Variants in FBXO36 observed in about 807,000 individuals in gnomAD.
The protein encoded by FBXO36 is F-box only protein 36.
FBXO36 carries 18 observed loss-of-function variants against 17.0 expected under a neutral mutation model. The observed-to-expected ratio is 1.06, with a 90% confidence interval of 0.73 to 1.57. The LOEUF is 1.57. Ranked by LOEUF, FBXO36 falls within the 40% of genes most tolerant of loss-of-function variation. FBXO36 has a pLI of 0.00. For synonymous variants in FBXO36, 83 were observed against 85.3 expected (o/e 0.97, Z 0.15); for missense variants, 229 against 221.9 (o/e 1.03, Z -0.20).
At chr2:229,996,997 C>A in intron 3 of FBXO36, 74 bp downstream of exon 3, 1 of 1,415,604 alleles carries the variant, frequency 7.1e-7, no homozygotes, top group Non-Finnish European at 9.7e-7. Context: ...ACATAGCAAT[C>A]ATTTGTTGAG....
chr2:229,961,916 C>T (rs2077123441), intron 1 of FBXO36, among the ~76,000 whole-genome samples: 1 of 152,110 alleles, frequency 6.6e-6, no homozygotes, highest in Non-Finnish European at 1.5e-5. Flanking sequence ...TATGGTGGCT[C>T]ATGCCTGTAA....
intron 1 of FBXO36, 98 bp downstream of exon 1, chr2:229,922,707 C>T (rs1225853198): frequency 7.9e-7 from 1 of 1,270,860 alleles, no homozygotes; most frequent in Non-Finnish European, 1.1e-6. Context: ...CAACCGTAGC[C>T]CGCCGGAAGC....
At chr2:229,978,918 T>C (rs1384717451) in intron 2 of FBXO36, among the ~76,000 whole-genome samples, 1 of 152,160 alleles carries the variant, frequency 6.6e-6, no homozygotes, top group Admixed American at 6.6e-5. Flanking sequence ...GGCTCATGCC[T>C]GTAATGCCAG....
intron 1 of FBXO36, among the ~76,000 whole-genome samples, chr2:229,957,280 T>G (rs2077093479): frequency 6.6e-6 from 1 of 151,876 alleles, no homozygotes; most frequent in South Asian, 2.1e-4. Context: ...GGCACAGAAA[T>G]CAAACTATGA....
chr2:229,984,754 A>G (rs1423174281), intron 2 of FBXO36, among the ~76,000 whole-genome samples: 1 of 152,096 alleles, frequency 6.6e-6, no homozygotes, highest in Non-Finnish European at 1.5e-5. Context: ...TAGTGTACAT[A>G]AAGTCCCCTG....
chr2:229,982,753 C>A (rs1176054749), intron 2 of FBXO36, among the ~76,000 whole-genome samples: 1 of 136,524 alleles, frequency 7.3e-6, no homozygotes, highest in African/African-American at 2.7e-5. Context: ...GTGGCAGTGA[C>A]CCAAGACAGA....
At chr2:229,957,241 A>G (rs1367541458) in intron 1 of FBXO36, among the ~76,000 whole-genome samples, 1 of 152,224 alleles carries the variant, frequency 6.6e-6, no homozygotes, top group Non-Finnish European at 1.5e-5. Flanking sequence ...TAAAGAGGGA[A>G]ATGTTACATA....
chr2:229,955,700 G>A (rs1398133882), intron 1 of FBXO36, among the ~76,000 whole-genome samples: 2 of 152,044 alleles, frequency 1.3e-5, no homozygotes, highest in Non-Finnish European at 2.9e-5. Flanking sequence ...CACACCATTC[G>A]AACTCCTATC....
chr2:229,939,988 G>C (rs1216804353), intron 1 of FBXO36, among the ~76,000 whole-genome samples: 1 of 152,102 alleles, frequency 6.6e-6, no homozygotes, highest in East Asian at 1.9e-4. Flanking sequence ...AGGAGAGGTG[G>C]GAGGATTGCT....
chr2:229,969,558 CAT>C (rs1396344848), intron 1 of FBXO36, among the ~76,000 whole-genome samples: 25 of 152,068 alleles, frequency 1.6e-4, no homozygotes, highest in African/African-American at 3.9e-4. Context: ...CGTGGTGGCA[CAT>C]GCCTGTAGTC....
chr2:229,980,404 A>T (rs1265969513), intron 2 of FBXO36, among the ~76,000 whole-genome samples: 1 of 151,968 alleles, frequency 6.6e-6, no homozygotes, highest in Non-Finnish European at 1.5e-5. Context: ...CCCCAGAGCT[A>T]TGTGTCTAGT....
intron 1 of FBXO36, among the ~76,000 whole-genome samples, chr2:229,960,406 G>C (rs1020526555): frequency 7.9e-5 from 12 of 151,918 alleles, no homozygotes; most frequent in Admixed American, 5.9e-4. Flanking sequence ...ATCAAACTCG[G>C]AGGCTCAAAC....
chr2:229,999,698 T>C (rs772675641), intron 3 of FBXO36, among the ~76,000 whole-genome samples: 12 of 151,834 alleles, frequency 7.9e-5, no homozygotes, highest in Non-Finnish European at 1.5e-4. Context: ...TGTATATATA[T>C]GTATTTTTTA....
Position 229,998,625 on chromosome 2 carries a change from A to G in FBXO36, c.378+1702A>G, listed in dbSNP as rs924711999. 1.1e-4 allele frequency among the ~76,000 whole-genome samples: 8 copies of G among 75,744 alleles called. No homozygotes were observed. The East Asian group carries it at 2.6e-3, about 25-fold the overall frequency. 49.7% of individuals were successfully genotyped at this position (75,744 alleles called of 152,430 possible). A position where few individuals can be genotyped will look rare whatever the true frequency, so the allele number is the denominator to read the frequency against. ...CAACAAGAGCGAAACTCAGTCTCAG[A>G]AAAAAAAAAAAAAAGAATTTCTGAG... On this transcript the variant is annotated intron_variant, in intron 3 of 3. Transcript: ENST00000283946.
chr2:230,010,646 G>C, intron 3 of FBXO36, 50 bp from the exon 4 acceptor site: 1 of 1,511,692 alleles, frequency 6.6e-7, no homozygotes, highest in South Asian at 1.3e-5. Context: ...GTTTGATAAT[G>C]AGTTAACACA....
rs1400905664 is a variant in FBXO36 at position 229,988,292 on chromosome 2, C to CTATATA, written c.206-8459_206-8458insTATATA. Among the ~76,000 whole-genome samples the CTATATA allele has an allele frequency of 3.3e-5, 5 of 152,138 alleles. No individual in the cohort carries two copies. The East Asian group carries it at 9.6e-4, about 29-fold the overall frequency. On this transcript the variant is annotated intron_variant, in intron 2 of 3. Coordinates refer to ENST00000283946, the MANE Select transcript of FBXO36 (RefSeq NM_174899.5). ...CTAACATCTATTATAAACGAAAACT[C>CTATATA]CTAGAAAGCTAGTAATAGCTTTGTC...
intron 3 of FBXO36, among the ~76,000 whole-genome samples, chr2:229,999,925 C>G (rs2077349233): frequency 6.6e-6 from 1 of 152,068 alleles, no homozygotes; most frequent in Non-Finnish European, 1.5e-5. Flanking sequence ...AAGTTCTCAT[C>G]ATTTAGCTCC....
At chr2:229,935,888 T>G (rs1349069399) in intron 1 of FBXO36, among the ~76,000 whole-genome samples, 1 of 152,132 alleles carries the variant, frequency 6.6e-6, no homozygotes, top group Non-Finnish European at 1.5e-5. Flanking sequence ...TAGTGGGAGA[T>G]AGAGATACTG....
intron 1 of FBXO36, among the ~76,000 whole-genome samples, chr2:229,942,490 T>C (rs1006454868): frequency 6.6e-6 from 1 of 152,210 alleles, no homozygotes; most frequent in African/African-American, 2.4e-5. Flanking sequence ...GAGAAATTCA[T>C]GGAGATCACC....
Sources: gnomAD v4.1 joint callset for allele counts (sites outside exome capture counted in the v4.1 genomes callset) on GRCh38, gnomAD v4.1.1 for gene constraint, MANE v1.5 for transcripts, NCBI Gene and HGNC (gene_info 2026-07-23, HGNC 2026-07-21) for gene names.